PKIB: variants seen among roughly 807,000 people sequenced by gnomAD.
PKIB encodes PKI-beta.
PKIB carries 2 observed loss-of-function variants against 4.5 expected under a neutral mutation model. The ratio of observed to expected loss-of-function variants is 0.44; its 90% CI spans 0.18 to 1.39. The LOEUF is 1.39. Among genes scored for constraint, PKIB ranks in the 40% most tolerant of loss-of-function variants. PKIB has a pLI of 0.27. For synonymous variants in PKIB, 38 were observed against 36.0 expected (o/e 1.06, Z -0.20); for missense variants, 94 against 92.6 (o/e 1.02, Z -0.06).
chr6:122,517,667 T>C (rs1205885125), intron 2 of PKIB, among the ~76,000 whole-genome samples: 1 of 152,208 alleles, frequency 6.6e-6, no homozygotes, highest in Non-Finnish European at 1.5e-5. Context: ...TATCTGGCTT[T>C]TATTATTATT....
intron 2 of PKIB, among the ~76,000 whole-genome samples, chr6:122,504,604 T>C (rs763603500): frequency 2.0e-5 from 3 of 152,234 alleles, no homozygotes; most frequent in Non-Finnish European, 4.4e-5. Context: ...ATATTTTCCA[T>C]AGCTTGAACA....
intron 2 of PKIB, among the ~76,000 whole-genome samples, chr6:122,571,744 T>A (rs2114692673): frequency 6.6e-6 from 1 of 152,306 alleles, no homozygotes; most frequent in East Asian, 1.9e-4. Context: ...GTTCCATATC[T>A]TGAAACAAAA....
chr6:122,590,101 C>A (rs1045259430), intron 3 of PKIB, among the ~76,000 whole-genome samples: 2 of 152,018 alleles, frequency 1.3e-5, no homozygotes, highest in Admixed American at 6.6e-5. Context: ...GTAAAGTATT[C>A]AGAAATGCCA....
At chr6:122,571,756 C>T in intron 2 of PKIB, among the ~76,000 whole-genome samples, 1 of 152,170 alleles carries the variant, frequency 6.6e-6, no homozygotes, top group East Asian at 1.9e-4. Context: ...GAAACAAAAC[C>T]TTGATCTATA....
chr6:122,652,524 A>G (rs1231303323), intron 2 of PKIB, among the ~76,000 whole-genome samples: 1 of 152,138 alleles, frequency 6.6e-6, no homozygotes, highest in Non-Finnish European at 1.5e-5. Flanking sequence ...CAGATTATTG[A>G]TGATAATCTC....
intron 2 of PKIB, among the ~76,000 whole-genome samples, chr6:122,549,951 G>A (rs752847225): frequency 6.6e-6 from 1 of 151,264 alleles, no homozygotes; most frequent in African/African-American, 2.4e-5. Context: ...GTCTTGCTCT[G>A]TCACCCAGGC....
At chr6:122,545,419 A>G (rs1772462480) in intron 2 of PKIB, among the ~76,000 whole-genome samples, 1 of 151,908 alleles carries the variant, frequency 6.6e-6, no homozygotes, top group Non-Finnish European at 1.5e-5. Context: ...GTTCTCACTT[A>G]CAAGTGGGAG....
chr6:122,650,326 A>T (rs920681171), intron 2 of PKIB, among the ~76,000 whole-genome samples: 3 of 152,262 alleles, frequency 2.0e-5, no homozygotes, highest in East Asian at 3.9e-4. Flanking sequence ...GAGCTCTGCA[A>T]TCCCTCTAGG....
intron 3 of PKIB, among the ~76,000 whole-genome samples, chr6:122,605,095 C>T (rs1774484838): frequency 6.6e-6 from 1 of 152,060 alleles, no homozygotes; most frequent in African/African-American, 2.4e-5. Context: ...CAGTCTGTGC[C>T]CCTTGTGCCC....
chr6:122,551,960 G>T (rs542890258), intron 2 of PKIB, among the ~76,000 whole-genome samples: 19 of 145,566 alleles, frequency 1.3e-4, no homozygotes, highest in African/African-American at 4.1e-4. Flanking sequence ...TTTTAGTCTT[G>T]GGCCATTCTA....
chr6:122,600,048 CA>C (rs1277014567), intron 3 of PKIB, among the ~76,000 whole-genome samples: 5 of 151,064 alleles, frequency 3.3e-5, no homozygotes, highest in African/African-American at 1.2e-4. Flanking sequence ...TCTATCTATA[CA>C]AAGGGGAGTT....
chr6:122,666,525 T>A (rs931465075), intron 2 of PKIB, among the ~76,000 whole-genome samples: 5 of 152,238 alleles, frequency 3.3e-5, no homozygotes, highest in African/African-American at 1.2e-4. Context: ...GTCTATCAAG[T>A]CACTTTCTGG....
chr6:122,623,686 C>G (rs149174083), intron 1 of PKIB, among the ~76,000 whole-genome samples: 1 of 152,162 alleles, frequency 6.6e-6, no homozygotes, highest in Non-Finnish European at 1.5e-5. Context: ...AAATTTCCCT[C>G]AAGCCTTGCA....
intron 2 of PKIB, among the ~76,000 whole-genome samples, chr6:122,548,251 A>T (rs1772567190): frequency 6.6e-6 from 1 of 152,226 alleles, no homozygotes; most frequent in South Asian, 2.1e-4. Context: ...GAGAATTTTA[A>T]ATATGAAAAT....
chr6:122,571,185 C>G (rs530455393), intron 2 of PKIB, among the ~76,000 whole-genome samples: 3 of 151,930 alleles, frequency 2.0e-5, no homozygotes, highest in Non-Finnish European at 2.9e-5. Context: ...TGAATTAACC[C>G]AATCAGACAA....
In PKIB at chr6:122,725,483, A is replaced by C. The variant is rs1455644789; in HGVS notation, c.*288A>C. 3.6e-6 allele frequency: 1 copy of C among 279,626 alleles called. No homozygotes were observed. Among genetic ancestry groups the C allele is most frequent in the Non-Finnish European group, 6.7e-6 (1 of 149,494 alleles). 17.3% of individuals were successfully genotyped at this position (279,626 alleles called of 1,614,324 possible). A position where few individuals can be genotyped will look rare whatever the true frequency, so the allele number is the denominator to read the frequency against. On this transcript the variant is annotated 3_prime_UTR_variant, in exon 5 of 5. Transcript: ENST00000368452. ...ACTGTCTGTAAACCCAACAAAATTC[A>C]CTGTTCTCTTTTGGATTTATTTAGC...
intron 2 of PKIB, among the ~76,000 whole-genome samples, chr6:122,527,095 C>A (rs1582677047): frequency 6.6e-6 from 1 of 152,126 alleles, no homozygotes; most frequent in Admixed American, 6.6e-5. Context: ...TCTACTAGCT[C>A]CCAGCTTTTC....
At chr6:122,537,289 G>A (rs1464072352) in intron 2 of PKIB, among the ~76,000 whole-genome samples, 1 of 151,944 alleles carries the variant, frequency 6.6e-6, no homozygotes, top group African/African-American at 2.4e-5. Flanking sequence ...TTAGCATTAG[G>A]TATATCTCCT....
chr6:122,609,056 G>T (rs1208816036), upstream of PKIB, among the ~76,000 whole-genome samples: 2 of 152,052 alleles, frequency 1.3e-5, no homozygotes, highest in African/African-American at 4.8e-5. Context: ...ATAACTCTCA[G>T]TCTCTTTGAT....
Sources: gnomAD v4.1 joint callset for allele counts (sites outside exome capture counted in the v4.1 genomes callset) on GRCh38, gnomAD v4.1.1 for gene constraint, MANE v1.5 for transcripts, NCBI Gene and HGNC (gene_info 2026-07-23, HGNC 2026-07-21) for gene names.